The following CLEC9A variants were observed in gnomAD, a reference collection of about 807,000 sequenced individuals.
CLEC9A encodes C-type lectin domain family 9 member A.
In CLEC9A, 24 loss-of-function variants were observed where a neutral mutation model predicts 30.0. That is an observed-to-expected ratio of 0.80 (90% CI 0.58 to 1.13). CLEC9A has a LOEUF of 1.13. Ranked by LOEUF, CLEC9A falls within the 50% of genes most tolerant of loss-of-function variation. The probability of loss-of-function intolerance (pLI) is 0.00; values close to 1 mark genes in which losing one functional copy is unlikely to be tolerated. For synonymous variants in CLEC9A, 111 were observed against 96.8 expected (o/e 1.15, Z -0.86); for missense variants, 251 against 280.9 (o/e 0.89, Z 0.76).
intron 1 of CLEC9A, among the ~76,000 whole-genome samples, chr12:10,031,745 T>C (rs1865698920): frequency 6.6e-6 from 1 of 152,004 alleles, no homozygotes; most frequent in Non-Finnish European, 1.5e-5. Flanking sequence ...GCAACCAATG[T>C]CGGTAGAAGA....
chr12:10,039,056 G>C (rs1163917497), intron 1 of CLEC9A, among the ~76,000 whole-genome samples: 1 of 152,190 alleles, frequency 6.6e-6, no homozygotes, highest in Non-Finnish European at 1.5e-5. Flanking sequence ...CAGGGGCAGG[G>C]GTGAGCCTTC....
chr12:10,053,773 A>G (rs1362935029), intron 4 of CLEC9A, among the ~76,000 whole-genome samples: 1 of 152,088 alleles, frequency 6.6e-6, no homozygotes, highest in Non-Finnish European at 1.5e-5. Flanking sequence ...GCAGGGTTGT[A>G]AAGTTACCTT....
At chr12:10,037,993 A>C (rs561584712) in intron 1 of CLEC9A, among the ~76,000 whole-genome samples, 2 of 152,210 alleles carry the variant, frequency 1.3e-5, no homozygotes, top group Non-Finnish European at 2.9e-5. Context: ...AGGAAGGGTT[A>C]AGAGTCCCTT....
chr12:10,065,605 G>C lies in CLEC9A; in HGVS notation c.699G>C (p.Glu233Asp). Residue 233 changes from glutamate to aspartate, a missense_variant, in exon 9 of 9, where the codon GAG becomes GAC. Coordinates refer to ENST00000355819, the MANE Select transcript of CLEC9A (RefSeq NM_207345.4). ...GCACGTGGAAGTATTTTATCTGTGAGAAGTATGCGTTGAGATCCTCTGTCT... is the reference window on the plus strand; with the variant it reads ...GCACGTGGAAGTATTTTATCTGTGACAAGTATGCGTTGAGATCCTCTGTCT... ...NCSTWKYFIC[E>D]KYALRSSV The C allele has an allele frequency of 1.9e-6, 3 of 1,613,840 alleles. No individual in the cohort carries two copies. The highest frequency in any genetic ancestry group is 4.5e-5 in the East Asian group (2 of 44,874).
intron 2 of CLEC9A, chr12:10,045,452 T>G (rs1865838362): frequency 5.8e-6 from 1 of 172,206 alleles, no homozygotes; most frequent in African/African-American, 2.4e-5. Context: ...CCTTAGTTTT[T>G]GAAGGAATTT....
chr12:10,045,110 G>C (rs758439377), intron 2 of CLEC9A, among the ~76,000 whole-genome samples: 8 of 152,062 alleles, frequency 5.3e-5, no homozygotes, highest in Non-Finnish European at 7.4e-5. Flanking sequence ...CCTGTCTCCT[G>C]TCCCATCCAT....
chr12:10,054,774 C>T (rs1413457119), intron 5 of CLEC9A, among the ~76,000 whole-genome samples: 1 of 152,170 alleles, frequency 6.6e-6, no homozygotes, highest in Non-Finnish European at 1.5e-5. Context: ...CTGAGAGCTT[C>T]GTTCGACCAC....
Position 10,063,050 on chromosome 12 carries a change from C to A in CLEC9A, c.320-5C>A, listed in dbSNP as rs1866011093. ...GATACTAAAGTAAAATGTTTATATTCAAAGCCCATAACAGCAGTCCTTGTC... is the reference window on the plus strand; with the variant it reads ...GATACTAAAGTAAAATGTTTATATTAAAAGCCCATAACAGCAGTCCTTGTC... On this transcript the variant is annotated splice_region_variant and splice_polypyrimidine_tract_variant and intron_variant, in intron 6 of 8. Coordinates refer to ENST00000355819, the MANE Select transcript of CLEC9A (RefSeq NM_207345.4). The A allele has an allele frequency of 1.3e-6, 2 of 1,582,292 alleles. No homozygotes were observed. The highest frequency in any genetic ancestry group is 1.7e-6 in the Non-Finnish European group (2 of 1,170,104).
chr12:10,034,165 A>T (rs1865724940), intron 1 of CLEC9A, among the ~76,000 whole-genome samples: 1 of 152,254 alleles, frequency 6.6e-6, no homozygotes, highest in African/African-American at 2.4e-5. Flanking sequence ...TTGGCAAGTT[A>T]CTGAGCCTCT....
rs368140218 is a variant in CLEC9A, at chr12:10,065,481, T to C, written c.594-19T>C. On this transcript the variant is annotated intron_variant, in intron 8 of 8. Transcript: ENST00000355819. ...AAACTCCCAAGTCTAACCTCAGAAA[T>C]GTTGACTTGCTTTTCCAGGTTGCCA... 1.9e-6 allele frequency: 3 copies of C among 1,613,192 alleles called. No individual in the cohort carries two copies. The African/African-American group carries it at 4.0e-5, about 22-fold the overall frequency.
chr12:10,050,306 A>T (rs1865882110), intron 2 of CLEC9A, among the ~76,000 whole-genome samples: 1 of 152,368 alleles, frequency 6.6e-6, no homozygotes, highest in Admixed American at 6.5e-5. Context: ...ACACAGAGGC[A>T]TAAAGTAACC....
chr12:10,055,979 AACCAGGG>A (rs1865939077), intron 5 of CLEC9A, among the ~76,000 whole-genome samples: 2 of 148,480 alleles, frequency 1.3e-5, no homozygotes, highest in South Asian at 4.4e-4. Flanking sequence ...GAATTGCTTG[AACCAGGG>A]AGGTGGAGGT....
At chr12:10,051,639 C>T (rs1028157019) in intron 2 of CLEC9A, among the ~76,000 whole-genome samples, 10 of 152,080 alleles carry the variant, frequency 6.6e-5, no homozygotes, top group East Asian at 3.9e-4. Context: ...GATACTGAAA[C>T]AAAAGTAAAC....
intron 2 of CLEC9A, among the ~76,000 whole-genome samples, chr12:10,043,976 G>A (rs1050918607): frequency 6.6e-6 from 1 of 152,068 alleles, no homozygotes; most frequent in Admixed American, 6.5e-5. Context: ...ACCGCGCCTG[G>A]CCCTCTCCAT....
rs781054224 is a variant in CLEC9A, at chr12:10,065,725, TA to T, written c.*96del. 56 of 1,363,342 alleles carry T rather than the reference TA, an allele frequency of 4.1e-5. No individual in the cohort carries two copies. The highest frequency in any genetic ancestry group is 5.3e-5 in the Non-Finnish European group (55 of 1,029,908). The allele number at this position is 1,363,342 out of a possible 1,614,324, so 84.5% of individuals were successfully genotyped here. A position where few individuals can be genotyped will look rare whatever the true frequency, so the allele number is the denominator to read the frequency against. ...ACCCCCCCTCAAAAAAACAGAACAG[TA>T]AACCAAAATGTGGGCCATGAAATTA... On this transcript the variant is annotated 3_prime_UTR_variant, in exon 9 of 9. Transcript: ENST00000355819.
At chr12:10,043,076 T>C (rs896843767) in intron 2 of CLEC9A, 2 of 187,818 alleles carry the variant, frequency 1.1e-5, no homozygotes, top group Non-Finnish European at 2.2e-5. Context: ...GATTCAAATA[T>C]CAAATGAAAT....
chr12:10,055,283 A>T (rs1404902577), intron 5 of CLEC9A, among the ~76,000 whole-genome samples: 1 of 152,232 alleles, frequency 6.6e-6, no homozygotes, highest in African/African-American at 2.4e-5. Flanking sequence ...TATTTTAGAC[A>T]AATGTGAGTT....
At chr12:10,031,632 G>T (rs1222864270) in intron 1 of CLEC9A, among the ~76,000 whole-genome samples, 6 of 152,110 alleles carry the variant, frequency 3.9e-5, no homozygotes, top group Non-Finnish European at 8.8e-5. Context: ...TTAGAAACGG[G>T]AGTAGCAAGA....
intron 1 of CLEC9A, among the ~76,000 whole-genome samples, 187 bp downstream of exon 1, chr12:10,031,159 T>C (rs1464809324): frequency 6.6e-6 from 1 of 152,140 alleles, no homozygotes; most frequent in Non-Finnish European, 1.5e-5. Context: ...ATTTAAGAAA[T>C]AATGAATGAT....
Sources: allele counts gnomAD v4.1 joint callset (sites outside exome capture counted in the v4.1 genomes callset), GRCh38; gene constraint gnomAD v4.1.1; transcripts MANE v1.5; gene names NCBI Gene and HGNC (gene_info 2026-07-23, HGNC 2026-07-21).